Variants in GGCT observed in about 807,000 individuals in gnomAD.
The protein encoded by GGCT is cytochrome c-releasing factor 21.
A neutral mutation model predicts 22.1 loss-of-function variants in GGCT; 20 were observed. The observed-to-expected ratio is 0.91, with a 90% CI of 0.64 to 1.32. The LOEUF is 1.32. Ranked by LOEUF, GGCT falls within the 40% of genes most tolerant of loss-of-function variation. The pLI, the probability that GGCT is intolerant of heterozygous loss-of-function variation, is 0.00. For missense variants in GGCT, 209 were observed against 223.5 expected (o/e 0.94, Z 0.41); for synonymous variants, 72 against 78.4 (o/e 0.92, Z 0.43).
chr7:30,501,331 C>T (rs1446247458), intron 1 of GGCT, among the ~76,000 whole-genome samples: 2 of 152,170 alleles, frequency 1.3e-5, no homozygotes, highest in African/African-American at 4.8e-5. Context: ...GGTGCAGGGG[C>T]TTACGTCTGT....
At chr7:30,498,068 TATAG>T (rs1789600484) in intron 3 of GGCT, among the ~76,000 whole-genome samples, 1 of 147,462 alleles carries the variant, frequency 6.8e-6, no homozygotes, top group African/African-American at 2.5e-5. Context: ...TGTATATATA[TATAG>T]AAAGAGAAAG....
chr7:30,504,418 G>A (rs1284389413), intron 1 of GGCT, 151 bp downstream of exon 1: 1 of 847,134 alleles, frequency 1.2e-6, no homozygotes, highest in East Asian at 2.7e-5. Flanking sequence ...CGCAGCGGAG[G>A]AGGTGGACCC....
At chr7:30,500,439 A>T in intron 2 of GGCT, 97 bp downstream of exon 2, 1 of 879,524 alleles carries the variant, frequency 1.1e-6, no homozygotes, top group Non-Finnish European at 1.8e-6. Context: ...TGTCTGTAGT[A>T]TGTGGTTTTG....
intron 2 of GGCT, among the ~76,000 whole-genome samples, chr7:30,499,793 ACT>A (rs1440892607): frequency 6.6e-6 from 1 of 150,980 alleles, no homozygotes; most frequent in South Asian, 2.1e-4. Context: ...TCCTAACATA[ACT>A]CTCTGTATTT....
chr7:30,497,803 A>G, intron 3 of GGCT: 1 of 1,466,854 alleles, frequency 6.8e-7, no homozygotes, highest in Non-Finnish European at 9.1e-7. Context: ...GGTTCTGAAC[A>G]GGAATTTTGG....
intron 3 of GGCT, 83 bp downstream of exon 3, chr7:30,498,720 A>G (rs1789620085): frequency 7.7e-7 from 1 of 1,291,976 alleles, no homozygotes. Context: ...CGTTGGGCCT[A>G]AAGTCTTTTA....
chr7:30,497,644 G>A (rs1583942988), intron 3 of GGCT: 1 of 608,742 alleles, frequency 1.6e-6, no homozygotes. Context: ...GGAATAAATG[G>A]CAACTGTGTT....
chr7:30,498,066 T>C (rs969875289), intron 3 of GGCT, among the ~76,000 whole-genome samples: 2 of 147,444 alleles, frequency 1.4e-5, no homozygotes, highest in African/African-American at 2.5e-5. Flanking sequence ...TATGTATATA[T>C]ATATAGAAAG....
Position 30,497,136 on chromosome 7 carries a change from C to T in GGCT, c.523G>A (p.Glu175Lys). Residue 175 changes from glutamate to lysine, a missense_variant, in exon 4 of 4, where the codon GAA becomes AAA. By Grantham distance (56) the Glu-to-Lys change is moderately conservative. Transcript: ENST00000275428. ...PNDYTGKVSE[E>K]IEDIIKKGET... The stretch of plus-strand genomic sequence containing the variant: ...CCCTTTTTGATGATGTCTTCAATTT[C>T]TTCTGAGACCTTTCCTGTATAGTCA... 6.2e-7 allele frequency: 1 copy of T among 1,607,324 alleles called. No individual in the cohort carries two copies. The highest frequency in any genetic ancestry group is 8.5e-7 in the Non-Finnish European group (1 of 1,174,954).
At position 30,496,668 on chromosome 7, in the gene GGCT, C is replaced by T. The variant is rs947067381; in HGVS notation, c.*424G>A. 6.5e-6 allele frequency: 1 copy of T among 153,064 alleles called. No homozygotes were observed. Among genetic ancestry groups the T allele is most frequent in the Non-Finnish European group, 1.5e-5 (1 of 68,700 alleles). 9.5% of individuals were successfully genotyped at this position (153,064 alleles called of 1,614,324 possible). ...CCTCTAAAAACAGTATACCATCTTTCCAATTTTCAAAATGTTATTATCAAT... is the reference window on the plus strand; with the variant it reads ...CCTCTAAAAACAGTATACCATCTTTTCAATTTTCAAAATGTTATTATCAAT... On this transcript the variant is annotated 3_prime_UTR_variant, in exon 4 of 4. Transcript: ENST00000275428.
In GGCT at chr7:30,504,790, C is replaced by T. The variant is rs1789797548; in HGVS notation, c.-81G>A. The T allele has an allele frequency of 3.5e-6, 5 of 1,425,362 alleles. No homozygotes were observed. The highest frequency in any genetic ancestry group is 2.3e-5 in the South Asian group (2 of 85,378). 88.3% of individuals were successfully genotyped at this position (1,425,362 alleles called of 1,614,324 possible). A position where few individuals can be genotyped will look rare whatever the true frequency, so the allele number is the denominator to read the frequency against. On this transcript the variant is annotated 5_prime_UTR_variant, in exon 1 of 4. Transcript: ENST00000275428. The stretch of plus-strand genomic sequence containing the variant: ...AGCGCAACACTGGGGCCCACTACCC[C>T]GGCGCAGTGACCGCCGCGCGGCAGC...
intron 3 of GGCT, 92 bp from the exon 4 acceptor site, chr7:30,497,327 A>C: frequency 1.2e-6 from 1 of 844,394 alleles, no homozygotes; most frequent in East Asian, 2.5e-5. Flanking sequence ...GCCTTCTCAA[A>C]GTATGAAGTA....
intron 1 of GGCT, among the ~76,000 whole-genome samples, chr7:30,503,121 G>T (rs1789740875): frequency 1.3e-5 from 2 of 152,298 alleles, no homozygotes; most frequent in African/African-American, 4.8e-5. Context: ...AATCATTCAG[G>T]TCTCAACTTA....
In GGCT at chr7:30,504,655, A is replaced by G; in HGVS notation, c.55T>C (p.Tyr19His). 1.2e-6 allele frequency: 2 copies of G among 1,614,070 alleles called. No homozygotes were observed. Among genetic ancestry groups the G allele is most frequent in the Non-Finnish European group, 1.7e-6 (2 of 1,179,950 alleles). Reference protein sequence around the residue: ...VTGPDEESFLYFAYGSNLLTE... With the variant: ...VTGPDEESFLHFAYGSNLLTE... Reference sequence around the variant, plus strand: ...AGCAGGTTGCTGCCGTAGGCAAAGTACAGAAAACTCTCCTCATCTGGACCC... The same window carrying G: ...AGCAGGTTGCTGCCGTAGGCAAAGTGCAGAAAACTCTCCTCATCTGGACCC... Residue 19 changes from tyrosine (Y) to histidine (H), a missense_variant, in exon 1 of 4, where the codon TAC becomes CAC. Transcript: ENST00000275428.
intron 1 of GGCT, among the ~76,000 whole-genome samples, chr7:30,502,455 AG>A (rs1789727596): frequency 1.3e-5 from 2 of 152,224 alleles, no homozygotes; most frequent in African/African-American, 4.8e-5. Flanking sequence ...CTTTAAACCC[AG>A]ACCAGATCTC....
rs1789544933 is a variant in GGCT, at chr7:30,496,832, T to C, written c.*260A>G. ...GACACTTAAGATCAATTCAAGAGAA[T>C]AGCTTTCAGTGTTCACAGAAGGGGT... On this transcript the variant is annotated 3_prime_UTR_variant, in exon 4 of 4. Coordinates refer to ENST00000275428, the MANE Select transcript of GGCT (RefSeq NM_024051.4). The C allele has an allele frequency of 3.9e-6, 1 of 254,778 alleles. No individual in the cohort carries two copies. Among genetic ancestry groups the C allele is most frequent in the South Asian group, 1.3e-4 (1 of 7,718 alleles). 15.8% of individuals were successfully genotyped at this position (254,778 alleles called of 1,614,324 possible).
intron 2 of GGCT, 125 bp downstream of exon 2, chr7:30,500,411 C>T: frequency 1.5e-6 from 1 of 675,700 alleles, no homozygotes; most frequent in South Asian, 2.4e-5. Flanking sequence ...TATGTTGACT[C>T]TAAAAGTATA....
At chr7:30,500,811 A>ATT (rs1789683604) in intron 1 of GGCT, 130 bp from the exon 2 acceptor site, 1 of 631,282 alleles carries the variant, frequency 1.6e-6, no homozygotes, top group African/African-American at 1.8e-5. Context: ...TTCTATGCAT[A>ATT]AGAAGCTGTG....
At chr7:30,504,313 C>T (rs1037062528) in intron 1 of GGCT, among the ~76,000 whole-genome samples, 8 of 152,230 alleles carry the variant, frequency 5.3e-5, no homozygotes, top group Non-Finnish European at 1.2e-4. Context: ...GAGGCCAAAT[C>T]GGTGCAGACC....
Sources: allele counts gnomAD v4.1 joint callset (sites outside exome capture counted in the v4.1 genomes callset), GRCh38; gene constraint gnomAD v4.1.1; transcripts MANE v1.5; gene names NCBI Gene and HGNC (gene_info 2026-07-23, HGNC 2026-07-21).